Variants in UNC5A observed in about 807,000 individuals in gnomAD.
UNC5A encodes the protein netrin receptor UNC5A.
In UNC5A, 20 loss-of-function variants were observed where a neutral mutation model predicts 87.4. The observed-to-expected ratio is 0.23, with a 90% CI of 0.16 to 0.33. UNC5A has a LOEUF of 0.33. Ranked by LOEUF, UNC5A falls within the 10% of genes least tolerant of loss-of-function variation. The pLI, the probability that UNC5A is intolerant of heterozygous loss-of-function variation, is 1.00. For missense variants in UNC5A, 844 were observed against 1,133.4 expected, an observed-to-expected ratio of 0.74 and a Z score of 3.67; for synonymous variants, 438 against 482.3, an observed-to-expected ratio of 0.91 and a Z score of 1.20.
At chr5:176,843,244 C>T (rs565737327) in intron 1 of UNC5A, among the ~76,000 whole-genome samples, 1 of 152,070 alleles carries the variant, frequency 6.6e-6, no homozygotes, top group Non-Finnish European at 1.5e-5. Flanking sequence ...GGTGAGGGGA[C>T]AGATGCTGTG....
At chr5:176,836,216 C>T (rs1031035473) in intron 1 of UNC5A, among the ~76,000 whole-genome samples, 2 of 152,138 alleles carry the variant, frequency 1.3e-5, no homozygotes, top group Non-Finnish European at 2.9e-5. Context: ...AGGAGGGCAA[C>T]AGCAGGCTGG....
chr5:176,836,415 T>C (rs910997079), intron 1 of UNC5A, among the ~76,000 whole-genome samples: 14 of 152,114 alleles, frequency 9.2e-5, no homozygotes, highest in Admixed American at 7.2e-4. Context: ...TTCCCTCAAT[T>C]TGCACATCTG....
chr5:176,863,819 TCCTCCTCCTCCC>T (rs1554099357), intron 2 of UNC5A, among the ~76,000 whole-genome samples: 3 of 65,680 alleles, frequency 4.6e-5, no homozygotes, highest in Non-Finnish European at 9.5e-5. Flanking sequence ...CTCCTCCCCC[TCCTCCTCCTCCC>T]CCTCCTCCTC....
At position 176,877,256 on chromosome 5, in the gene UNC5A, G is replaced by C. The variant is rs368241618; in HGVS notation, c.1443G>C (p.Thr481=). Residue 481 remains threonine, a synonymous_variant, in exon 9 of 15, where the codon ACG becomes ACC. Transcript: ENST00000329542. ...PRGKIYEIYL[T]LHKPEDVRLP... Reference sequence around the variant, plus strand: ...GGAAGATCTATGAGATCTACCTCACGCTGCACAAGCCGGAAGACGTGAGGT... The same window carrying C: ...GGAAGATCTATGAGATCTACCTCACCCTGCACAAGCCGGAAGACGTGAGGT... The C allele has an allele frequency of 3.1e-6, 5 of 1,612,608 alleles. No homozygotes were observed. The East Asian group carries it at 1.1e-4, about 36-fold the overall frequency.
chr5:176,866,766 G>A lies in UNC5A; in HGVS notation c.293-1364G>A, dbSNP rs558210426. 2.0e-5 allele frequency among the ~76,000 whole-genome samples: 3 copies of A among 152,088 alleles called. No homozygotes were observed. The highest frequency in any genetic ancestry group is 2.9e-5 in the Non-Finnish European group (2 of 68,004). On this transcript the variant is annotated intron_variant, in intron 2 of 14. Transcript: ENST00000329542. The surrounding 1 kb of genome is among the most constrained non-coding windows in gnomAD (Gnocchi z 5.0). ...CAAGGACCCTGTGAGCCACCCCCTC[G>A]TTCTCAGCCTGCCCACCCCACCCCC...
At chr5:176,834,060 G>A (rs1757091271) in intron 1 of UNC5A, among the ~76,000 whole-genome samples, 1 of 152,316 alleles carries the variant, frequency 6.6e-6, no homozygotes, top group Non-Finnish European at 1.5e-5. Flanking sequence ...GTAAATGTTT[G>A]TGGAGTGCCG....
Position 176,848,806 on chromosome 5 carries a change from C to G in UNC5A, c.71-13818C>G, listed in dbSNP as rs1231815815. Among the ~76,000 whole-genome samples the G allele has an allele frequency of 6.6e-6, 1 of 152,214 alleles. No homozygotes were observed. The highest frequency in any genetic ancestry group is 1.5e-5 in the Non-Finnish European group (1 of 68,032). Reference sequence around the variant, plus strand: ...GGCACACAAGATGGGCAGCCGCGGCCTGGGCCCTGCGCGTCTCGGGATTGC... The same window carrying G: ...GGCACACAAGATGGGCAGCCGCGGCGTGGGCCCTGCGCGTCTCGGGATTGC... On this transcript the variant is annotated intron_variant, in intron 1 of 14. Coordinates refer to ENST00000329542, the MANE Select transcript of UNC5A (RefSeq NM_133369.3). This position sits in a 1 kb window ranked among gnomAD's most constrained non-coding sequence, Gnocchi z 5.8.
chr5:176,820,654 C>T (rs1378937118), intron 1 of UNC5A, among the ~76,000 whole-genome samples: 2 of 152,194 alleles, frequency 1.3e-5, no homozygotes, highest in Admixed American at 6.5e-5. Flanking sequence ...AGGCCTCTCA[C>T]GGTCCCTCCT....
At position 176,862,661 on chromosome 5, in the gene UNC5A, T is replaced by C. The variant is rs1757869083; in HGVS notation, c.108T>C (p.Pro36=). The part of the protein sequence containing the change: ...QQSATVANPV[P]GANPDLLPHF... ...GTGCCACCGTGGCCAACCCAGTGCC[T>C]GGTGCCAACCCGGACCTGCTTCCCC... Residue 36 remains proline (P), a synonymous_variant, in exon 2 of 15, where the codon CCT becomes CCC. Transcript: ENST00000329542. 2 of 1,613,444 alleles carry C rather than the reference T, an allele frequency of 1.2e-6. No homozygotes were observed. Among genetic ancestry groups the C allele is most frequent in the Admixed American group, 3.3e-5 (2 of 60,004 alleles).
Position 176,856,948 on chromosome 5 carries a change from G to A in UNC5A, c.71-5676G>A, listed in dbSNP as rs539147840. Among the ~76,000 whole-genome samples the A allele has an allele frequency of 3.9e-5, 6 of 152,284 alleles. No homozygotes were observed. The East Asian group carries it at 1.2e-3, about 29-fold the overall frequency. On this transcript the variant is annotated intron_variant, in intron 1 of 14. Transcript: ENST00000329542. ...TCTCGCCCTCACTCACTCTGCCCAGGCCACACTGGCCTCCCTGCTGTCCTC... is the reference window on the plus strand; with the variant it reads ...TCTCGCCCTCACTCACTCTGCCCAGACCACACTGGCCTCCCTGCTGTCCTC...
intron 6 of UNC5A, among the ~76,000 whole-genome samples, chr5:176,872,653 C>A (rs1758151516): frequency 7.5e-6 from 1 of 132,982 alleles, no homozygotes; most frequent in Non-Finnish European, 1.6e-5. Context: ...CCCACACTCA[C>A]CAACACCACA....
At chr5:176,864,783 G>A (rs1757931556) in intron 2 of UNC5A, 2 of 455,266 alleles carry the variant, frequency 4.4e-6, no homozygotes, top group Admixed American at 4.7e-5. Flanking sequence ...TATGCTCTCA[G>A]GGCAGTGATC....
At chr5:176,818,824 C>G (rs999482122) in intron 1 of UNC5A, among the ~76,000 whole-genome samples, 31 of 152,320 alleles carry the variant, frequency 2.0e-4, no homozygotes, top group African/African-American at 7.5e-4. Context: ...CCCCATGCTG[C>G]CTCCTGACCC....
rs561488896 is a variant in UNC5A, at chr5:176,875,963, C to G, written c.1379-1229C>G. ...GACGAGGTGAGACGGCATCTGTCAG[C>G]TCTTACAGAGACGCAGGCGAACAGT... is the stretch of plus-strand genomic sequence containing the variant. On this transcript the variant is annotated intron_variant, in intron 8 of 14. Transcript: ENST00000329542. This position sits in a 1 kb window ranked among gnomAD's most constrained non-coding sequence, Gnocchi z 5.2. 7.2e-5 allele frequency among the ~76,000 whole-genome samples: 11 copies of G among 152,380 alleles called. No homozygotes were observed. The highest frequency in any genetic ancestry group is 3.4e-3 in the Middle Eastern group (1 of 294).
At position 176,841,183 on chromosome 5, in the gene UNC5A, G is replaced by T. The variant is rs1240474308; in HGVS notation, c.71-21441G>T. 6.6e-6 allele frequency among the ~76,000 whole-genome samples: 1 copy of T among 152,250 alleles called. No homozygotes were observed. The highest frequency in any genetic ancestry group is 1.5e-5 in the Non-Finnish European group (1 of 68,044). On this transcript the variant is annotated intron_variant, in intron 1 of 14. Transcript: ENST00000329542. This position sits in a 1 kb window ranked among gnomAD's most constrained non-coding sequence, Gnocchi z 4.1. ...ATGGTAATGATCACGAGCTAAAGTT[G>T]CAGGGGGCACCAGATGTCTGTTCTA...
At chr5:176,821,021 A>G (rs1756713959) in intron 1 of UNC5A, among the ~76,000 whole-genome samples, 1 of 152,070 alleles carries the variant, frequency 6.6e-6, no homozygotes, top group Non-Finnish European at 1.5e-5. Flanking sequence ...TGATACATTC[A>G]CCAAACCAAA....
intron 1 of UNC5A, among the ~76,000 whole-genome samples, chr5:176,837,810 C>T (rs552166879): frequency 1.3e-5 from 2 of 151,532 alleles, no homozygotes; most frequent in African/African-American, 4.9e-5. Context: ...CCACAGATAG[C>T]GGTCCTGGAC....
intron 1 of UNC5A, among the ~76,000 whole-genome samples, chr5:176,860,175 G>T (rs1757799755): frequency 6.6e-6 from 1 of 152,220 alleles, no homozygotes; most frequent in East Asian, 1.9e-4. Flanking sequence ...CCTGTTAAGG[G>T]ATGTGGCACA....
Position 176,879,300 on chromosome 5 carries a change from C to G in UNC5A, c.2185-10C>G, listed in dbSNP as rs201132472. ...GTTCTAACAGGCACCTCTTTCCCTC[C>G]CACCTCCAGGACACAAGGTTTGCTG... On this transcript the variant is annotated splice_polypyrimidine_tract_variant and intron_variant, in intron 13 of 14. Transcript: ENST00000329542. The G allele has an allele frequency of 1.0e-3, 1,580 of 1,577,418 alleles. 12 individuals carry two copies. The highest frequency in any genetic ancestry group is 5.6e-3 in the Middle Eastern group (33 of 5,876).
Sources: allele counts gnomAD v4.1 joint callset (sites outside exome capture counted in the v4.1 genomes callset), GRCh38; gene constraint gnomAD v4.1.1; non-coding constraint Gnocchi (gnomAD v3.1); transcripts MANE v1.5; gene names NCBI Gene and HGNC (gene_info 2026-07-23, HGNC 2026-07-21).